Variants in MAP3K5 observed in about 807,000 individuals in gnomAD.
The protein encoded by MAP3K5 is mitogen-activated protein kinase kinase kinase 5, also known as ASK-1.
Under a neutral mutation model 158.7 loss-of-function variants are expected in MAP3K5, and 56 were observed. The observed-to-expected ratio is 0.35, with a 90% CI of 0.28 to 0.44. The LOEUF (loss-of-function observed/expected upper bound fraction) is 0.44. Among genes scored for constraint, MAP3K5 ranks in the 20% least tolerant of loss-of-function variants. The pLI is 1.00. For synonymous variants in MAP3K5, 579 were observed against 601.7 expected (o/e 0.96, Z 0.55); for missense variants, 1,294 against 1,674.8 (o/e 0.77, Z 3.97).
chr6:136,771,818 T>C (rs1237901046), intron 1 of MAP3K5, among the ~76,000 whole-genome samples: 1 of 152,218 alleles, frequency 6.6e-6, no homozygotes, highest in Non-Finnish European at 1.5e-5. Flanking sequence ...CAACCCGATA[T>C]TTTAAAATAT....
chr6:136,656,980 T>C (rs1275612434), intron 9 of MAP3K5, among the ~76,000 whole-genome samples: 1 of 152,252 alleles, frequency 6.6e-6, no homozygotes, highest in Non-Finnish European at 1.5e-5. Flanking sequence ...TTGGTTATTT[T>C]ATCCCTATTT....
intron 1 of MAP3K5, among the ~76,000 whole-genome samples, chr6:136,769,793 AAGGGAGGG>A (rs1334177970): frequency 1.3e-4 from 2 of 15,810 alleles, no homozygotes; most frequent in Non-Finnish European, 2.2e-4. Flanking sequence ...GGAAGGAAGG[AAGGGAGGG>A]AGGGAGGGAG....
At chr6:136,740,300 C>G (rs1341107240) in intron 1 of MAP3K5, among the ~76,000 whole-genome samples, 1 of 152,100 alleles carries the variant, frequency 6.6e-6, no homozygotes, top group African/African-American at 2.4e-5. Context: ...TTTACCTTCC[C>G]CCTCTTTCAC....
chr6:136,765,776 C>T (rs1399231667), intron 1 of MAP3K5, among the ~76,000 whole-genome samples: 6 of 151,100 alleles, frequency 4.0e-5, no homozygotes, highest in African/African-American at 7.3e-5. Flanking sequence ...GTGATCTGCC[C>T]GCCTCCACCT....
At chr6:136,783,832 G>C (rs1009021421) in intron 1 of MAP3K5, among the ~76,000 whole-genome samples, 1 of 152,214 alleles carries the variant, frequency 6.6e-6, no homozygotes, top group Non-Finnish European at 1.5e-5. Flanking sequence ...CTTGGAGGAA[G>C]TACTTGGAAA....
Position 136,676,793 on chromosome 6 carries a change from C to CT in MAP3K5, c.1254-7399dup, listed in dbSNP as rs67161871. On this transcript the variant is annotated intron_variant, in intron 7 of 29. Transcript: ENST00000359015. ...ATTTTGTTAATTTTTCTTTTCTTTT[C>CT]TTTTTTTTTTTTTTTTGAGACAGAG... is the stretch of plus-strand genomic sequence containing the variant. Among the ~76,000 whole-genome samples, 544 of 130,694 alleles carry CT rather than the reference C, an allele frequency of 4.2e-3. 1 individual carries two copies. Among genetic ancestry groups the CT allele is most frequent in the East Asian group, 0.013 (59 of 4,660 alleles). The allele number at this position is 130,694 out of a possible 152,430, so 85.7% of individuals were successfully genotyped here.
intron 14 of MAP3K5, among the ~76,000 whole-genome samples, chr6:136,631,250 A>G (rs759244439): frequency 1.3e-5 from 2 of 152,258 alleles, no homozygotes; most frequent in Non-Finnish European, 2.9e-5. Context: ...AATGAATAAC[A>G]AATTGATACT....
chr6:136,772,714 G>T (rs1459345581), intron 1 of MAP3K5, among the ~76,000 whole-genome samples: 1 of 152,186 alleles, frequency 6.6e-6, no homozygotes, highest in East Asian at 1.9e-4. Flanking sequence ...GTGGCAAACT[G>T]AGCAAAATAA....
intron 14 of MAP3K5, among the ~76,000 whole-genome samples, chr6:136,626,107 T>C (rs1384379336): frequency 6.6e-6 from 1 of 152,162 alleles, no homozygotes; most frequent in Non-Finnish European, 1.5e-5. Context: ...CTGCAAACTC[T>C]TGGGTACACA....
chr6:136,654,133 A>G (rs1188656233), intron 10 of MAP3K5, among the ~76,000 whole-genome samples: 4 of 152,244 alleles, frequency 2.6e-5, no homozygotes, highest in African/African-American at 9.6e-5. Context: ...ATGCTGTCAT[A>G]TTTGCTTCGA....
At chr6:136,653,501 A>G (rs1346969203) in intron 10 of MAP3K5, among the ~76,000 whole-genome samples, 25 of 152,216 alleles carry the variant, frequency 1.6e-4, no homozygotes, top group Non-Finnish European at 4.4e-5. Flanking sequence ...TAAGGACATG[A>G]CAAGGTGCAG....
At chr6:136,586,785 A>C (rs184867462) in intron 23 of MAP3K5, among the ~76,000 whole-genome samples, 1 of 152,304 alleles carries the variant, frequency 6.6e-6, no homozygotes, top group African/African-American at 2.4e-5. Flanking sequence ...GTCAAAATTT[A>C]ATCAGCTGCC....
intron 3 of MAP3K5, among the ~76,000 whole-genome samples, chr6:136,701,401 C>G (rs893333405): frequency 6.6e-6 from 1 of 152,180 alleles, no homozygotes; most frequent in Non-Finnish European, 1.5e-5. Context: ...AACCTCACTT[C>G]CAGTTAAAGC....
intron 1 of MAP3K5, among the ~76,000 whole-genome samples, chr6:136,722,652 A>T (rs1423413822): frequency 2.7e-5 from 4 of 149,334 alleles, no homozygotes; most frequent in Non-Finnish European, 4.4e-5. Flanking sequence ...GGAAGTGTAA[A>T]CTTTCTTTTC....
intron 14 of MAP3K5, among the ~76,000 whole-genome samples, chr6:136,632,719 G>A (rs775075401): frequency 6.6e-5 from 10 of 152,082 alleles, no homozygotes; most frequent in African/African-American, 1.4e-4. Context: ...GGATTAAGAC[G>A]GGTTTGGGAG....
intron 2 of MAP3K5, among the ~76,000 whole-genome samples, chr6:136,710,491 T>C (rs897375496): frequency 6.8e-6 from 1 of 147,278 alleles, no homozygotes; most frequent in African/African-American, 2.5e-5. Flanking sequence ...GGAGCAAGAC[T>C]AAAAAAAAAA....
chr6:136,741,943 G>A (rs1012167767), intron 1 of MAP3K5, among the ~76,000 whole-genome samples: 5 of 151,980 alleles, frequency 3.3e-5, no homozygotes, highest in Middle Eastern at 6.8e-3. Context: ...CACCAAATAC[G>A]GATAAAAACT....
intron 1 of MAP3K5, among the ~76,000 whole-genome samples, chr6:136,755,445 G>A (rs1306676256): frequency 6.6e-6 from 1 of 152,202 alleles, no homozygotes; most frequent in African/African-American, 2.4e-5. Context: ...AGTGGCTCAT[G>A]CCTGTAGTCC....
intron 1 of MAP3K5, among the ~76,000 whole-genome samples, chr6:136,768,454 C>T (rs763154452): frequency 3.9e-5 from 6 of 152,100 alleles, no homozygotes; most frequent in Admixed American, 1.3e-4. Flanking sequence ...AGGTCAACAC[C>T]ATTAGTCATT....
Sources: allele counts gnomAD v4.1 joint callset (sites outside exome capture counted in the v4.1 genomes callset), GRCh38; gene constraint gnomAD v4.1.1; transcripts MANE v1.5; gene names NCBI Gene and HGNC (gene_info 2026-07-23, HGNC 2026-07-21).